SAMMSON: variants seen among roughly 807,000 people sequenced by gnomAD.
The protein encoded by SAMMSON is long intergenic non-protein coding RNA 1212.
chr3:70,018,521 C>A (rs1261631629), intron 3 of SAMMSON, among the ~76,000 whole-genome samples: 1 of 152,012 alleles, frequency 6.6e-6, no homozygotes, highest in Non-Finnish European at 1.5e-5. Context: ...TTGATCTTTT[C>A]AAAAAACCAG....
At chr3:70,194,172 T>C (rs927687927) in intron 4 of SAMMSON, among the ~76,000 whole-genome samples, 1 of 152,130 alleles carries the variant, frequency 6.6e-6, no homozygotes, top group East Asian at 1.9e-4. Flanking sequence ...TATAATGCTG[T>C]AGGAAAAAAA....
intron 6 of SAMMSON, among the ~76,000 whole-genome samples, chr3:70,274,427 T>C (rs1327171012): frequency 6.6e-6 from 1 of 150,940 alleles, no homozygotes; most frequent in Admixed American, 6.6e-5. Context: ...TTAATGACAT[T>C]GTTCATCAAC....
intron 9 of SAMMSON, among the ~76,000 whole-genome samples, chr3:70,375,611 T>C (rs879755135): frequency 4.6e-5 from 7 of 152,190 alleles, no homozygotes; most frequent in Non-Finnish European, 1.0e-4. Context: ...TATGCAAATA[T>C]GTCATTCCTA....
intron 3 of SAMMSON, among the ~76,000 whole-genome samples, chr3:70,067,806 G>C (rs1475983024): frequency 6.6e-6 from 1 of 152,064 alleles, no homozygotes; most frequent in Non-Finnish European, 1.5e-5. Flanking sequence ...GTAATGTGGG[G>C]TGAATAACTC....
intron 2 of SAMMSON, among the ~76,000 whole-genome samples, chr3:70,423,417 C>T (rs1388907268): frequency 6.6e-6 from 1 of 152,080 alleles, no homozygotes; most frequent in Non-Finnish European, 1.5e-5. Flanking sequence ...AGAAATATTG[C>T]TGCATTCTTC....
chr3:70,388,126 C>A (rs1700999587), intron 9 of SAMMSON, among the ~76,000 whole-genome samples: 1 of 152,108 alleles, frequency 6.6e-6, no homozygotes, highest in Non-Finnish European at 1.5e-5. Flanking sequence ...AAGTTTAAGA[C>A]TCTGAGAAGA....
intron 4 of SAMMSON, among the ~76,000 whole-genome samples, chr3:70,139,146 A>G (rs1216199734): frequency 1.3e-5 from 2 of 152,188 alleles, no homozygotes; most frequent in African/African-American, 4.8e-5. Flanking sequence ...GAGACTTAGT[A>G]TGAAAAATAA....
chr3:70,008,258 T>C (rs904697418), intron 1 of SAMMSON, among the ~76,000 whole-genome samples: 14 of 152,212 alleles, frequency 9.2e-5, no homozygotes, highest in African/African-American at 3.4e-4. Flanking sequence ...TTTCACGATA[T>C]TGATTCTTCC....
At chr3:70,004,196 C>A (rs1016365479) in intron 1 of SAMMSON, among the ~76,000 whole-genome samples, 1 of 152,008 alleles carries the variant, frequency 6.6e-6, no homozygotes. Context: ...TAAGTTAGCT[C>A]ACATAAAGTT....
chr3:70,091,483 T>G (rs2067304731), intron 4 of SAMMSON, among the ~76,000 whole-genome samples: 1 of 152,194 alleles, frequency 6.6e-6, no homozygotes, highest in South Asian at 2.1e-4. Context: ...GTCAACTTTA[T>G]GGCACATTGA....
chr3:70,068,353 A>G (rs1266700669), intron 3 of SAMMSON: 3 of 152,208 alleles, frequency 2.0e-5, no homozygotes, highest in South Asian at 4.1e-4. Flanking sequence ...GGAAACGAAG[A>G]TACCGCGGCA....
At chr3:70,335,022 A>G (rs2106724651) in intron 7 of SAMMSON, among the ~76,000 whole-genome samples, 1 of 150,514 alleles carries the variant, frequency 6.6e-6, no homozygotes, top group African/African-American at 2.4e-5. Context: ...GTTGTCCTGG[A>G]ATTTCATCGC....
intron 4 of SAMMSON, among the ~76,000 whole-genome samples, chr3:70,147,941 CA>C (rs2106685243): frequency 6.6e-6 from 1 of 152,034 alleles, no homozygotes; most frequent in East Asian, 1.9e-4. Context: ...AAAAAACCCT[CA>C]AAACTCAATA....
chr3:70,217,068 T>TTATTTGTTTACTTGCTTATGGTGTACATG (rs1305249167), intron 4 of SAMMSON, among the ~76,000 whole-genome samples: 2 of 152,158 alleles, frequency 1.3e-5, no homozygotes, highest in African/African-American at 2.4e-5. Context: ...TAAAAATATT[T>TTATTTGTTTACTTGCTTATGGTGTACATG]TATTTGTTTA....
intron 4 of SAMMSON, among the ~76,000 whole-genome samples, chr3:70,170,200 A>G (rs1469230919): frequency 6.6e-6 from 1 of 151,942 alleles, no homozygotes; most frequent in Admixed American, 6.6e-5. Context: ...CTTGAATTTC[A>G]TTGAGAAAAT....
intron 9 of SAMMSON, among the ~76,000 whole-genome samples, chr3:70,364,679 C>T (rs185055285): frequency 5.6e-4 from 85 of 151,858 alleles, no homozygotes; most frequent in African/African-American, 2.0e-3. Context: ...GGACATTTTT[C>T]TTGCATTAAA....
intron 4 of SAMMSON, among the ~76,000 whole-genome samples, chr3:70,200,685 A>G (rs1701228738): frequency 6.6e-6 from 1 of 152,188 alleles, no homozygotes; most frequent in Non-Finnish European, 1.5e-5. Context: ...ATTAGAATCT[A>G]CGTTGCAAGA....
At chr3:70,023,269 A>G (rs1204548153) in intron 3 of SAMMSON, among the ~76,000 whole-genome samples, 1 of 151,956 alleles carries the variant, frequency 6.6e-6, no homozygotes, top group African/African-American at 2.4e-5. Flanking sequence ...ATCCTGGCTA[A>G]CAAAGCGAAA....
rs993391944 is a variant in SAMMSON, at chr3:70,404,506, A to G, written n.233+46182A>G. Among the ~76,000 whole-genome samples, 4 of 152,164 alleles carry G rather than the reference A, an allele frequency of 2.6e-5. No homozygotes were observed. In the East Asian group the frequency reaches 5.8e-4, roughly 22 times the overall value. ...ATATAATTAATCTTCTTGGGATTCA[A>G]GCATAAGAATAAAAATTATGGTAAG... On this transcript the variant is annotated intron_variant and non_coding_transcript_variant, in intron 2 of 3. Transcript: ENST00000641053.
Sources: gnomAD v4.1 joint callset for allele counts (sites outside exome capture counted in the v4.1 genomes callset) on GRCh38, gnomAD v4.1.1 for gene constraint, MANE v1.5 for transcripts, NCBI Gene and HGNC (gene_info 2026-07-23, HGNC 2026-07-21) for gene names.